LPGAT1: variants seen among roughly 807,000 people sequenced by gnomAD.
LPGAT1 encodes the protein lysophosphatidylglycerol acyltransferase 1, also known as acyl-CoA:lysophosphatidylglycerol acyltransferase 1.
LPGAT1 carries 11 observed loss-of-function variants against 47.5 expected under a neutral mutation model. The observed-to-expected ratio is 0.23, with a 90% CI of 0.15 to 0.38. The LOEUF (loss-of-function observed/expected upper bound fraction) is 0.38. LPGAT1 is among the 10% of genes least tolerant of loss of function. The probability of loss-of-function intolerance (pLI) is 1.00; values close to 1 mark genes in which losing one functional copy is unlikely to be tolerated. For synonymous variants in LPGAT1, 138 were observed against 144.2 expected (o/e 0.96, Z 0.31); for missense variants, 293 against 439.0 (o/e 0.67, Z 2.97).
intron 3 of LPGAT1, chr1:211,792,205 T>TCCA (rs980514621): frequency 1.3e-5 from 2 of 151,556 alleles, no homozygotes; most frequent in African/African-American, 4.8e-5. Context: ...TTTGGCCTGC[T>TCCA]CCATTTCCAC....
intron 4 of LPGAT1, among the ~76,000 whole-genome samples, chr1:211,784,407 C>T (rs1054192522): frequency 6.6e-6 from 1 of 151,002 alleles, no homozygotes; most frequent in African/African-American, 2.4e-5. Flanking sequence ...AGGAGGATCA[C>T]TTGTGCCCAC....
chr1:211,806,684 T>A (rs1017907113), intron 2 of LPGAT1, among the ~76,000 whole-genome samples: 1 of 152,242 alleles, frequency 6.6e-6, no homozygotes, highest in East Asian at 1.9e-4. Context: ...TAAAATTTTT[T>A]TAAAAAAGAA....
intron 2 of LPGAT1, among the ~76,000 whole-genome samples, chr1:211,805,047 A>C (rs1216240037): frequency 2.0e-5 from 3 of 152,172 alleles, no homozygotes; most frequent in African/African-American, 7.2e-5. Flanking sequence ...GATTGACAGA[A>C]TACTAAATAC....
intron 2 of LPGAT1, among the ~76,000 whole-genome samples, chr1:211,827,991 T>G (rs1660592340): frequency 6.6e-6 from 1 of 152,232 alleles, no homozygotes; most frequent in Non-Finnish European, 1.5e-5. Context: ...AAAAGCTGTA[T>G]ACTATCAGTC....
rs555338428 is a variant in LPGAT1, at chr1:211,796,836, A to G, written c.239-3646T>C. On this transcript the variant is annotated intron_variant, in intron 2 of 7. Coordinates refer to ENST00000366997, the MANE Select transcript of LPGAT1 (RefSeq NM_014873.3). ...TCACTTCTAAATACTTTCAGAAATT[A>G]TACTTTAAAGTATAATTATTAAGAG... is the stretch of plus-strand genomic sequence containing the variant. Among the ~76,000 whole-genome samples the G allele has an allele frequency of 5.8e-4, 89 of 152,322 alleles. 1 individual carries two copies. Among genetic ancestry groups the G allele is most frequent in the African/African-American group, 2.0e-3 (82 of 41,568 alleles).
At chr1:211,808,417 A>T (rs1481846453) in intron 2 of LPGAT1, among the ~76,000 whole-genome samples, 1 of 152,150 alleles carries the variant, frequency 6.6e-6, no homozygotes, top group African/African-American at 2.4e-5. Context: ...AAAAAAATTA[A>T]GAAAAGACTT....
chr1:211,778,988 C>T lies in LPGAT1; in HGVS notation c.784G>A (p.Ala262Thr). Residue 262 changes from alanine (A) to threonine (T), a missense_variant, in exon 6 of 8, where the codon GCT (alanine) becomes ACT (threonine). Ala to Thr is a moderately conservative substitution (Grantham distance 58, BLOSUM62 0). Transcript: ENST00000366997. ...CAGGTTTGAATATCTATAGGTTCAG[C>T]TTTGGGATAAGCTATCGTTGTATCT... ...IIDTTIAYPK[A>T]EPIDIQTWIL... 6.2e-7 allele frequency: 1 copy of T among 1,611,078 alleles called. No homozygotes were observed. The highest frequency in any genetic ancestry group is 8.5e-7 in the Non-Finnish European group (1 of 1,178,982).
intron 2 of LPGAT1, among the ~76,000 whole-genome samples, chr1:211,809,814 C>T (rs997172419): frequency 6.6e-6 from 1 of 152,116 alleles, no homozygotes; most frequent in African/African-American, 2.4e-5. Context: ...ATAAATTACC[C>T]AGTTTTGGGT....
chr1:211,778,901 T>C lies in LPGAT1; in HGVS notation c.854+17A>G, dbSNP rs1270144376. On this transcript the variant is annotated intron_variant, in intron 6 of 7. Transcript: ENST00000366997. ...GTATTGTTGGATATATACTGAGTAC[T>C]AATATAGAATTCTTACCTGTAATGT... 1 of 1,568,300 alleles carries C rather than the reference T, an allele frequency of 6.4e-7. No homozygotes were observed. The highest frequency in any genetic ancestry group is 2.0e-5 in the Admixed American group (1 of 49,360).
At chr1:211,750,095 A>G (rs748857812) in intron 7 of LPGAT1, 45 bp from the exon 8 acceptor site, 7 of 1,550,752 alleles carry the variant, frequency 4.5e-6, no homozygotes, top group Non-Finnish European at 6.2e-6. Flanking sequence ...CTGTAATGGT[A>G]GGTCTCCTGG....
chr1:211,759,273 G>T (rs1475294433), intron 6 of LPGAT1, among the ~76,000 whole-genome samples: 4 of 151,306 alleles, frequency 2.6e-5, no homozygotes, highest in Non-Finnish European at 4.4e-5. Context: ...TTTTGTTTTG[G>T]TTTTTTTAGA....
At chr1:211,800,702 C>T (rs914894225) in intron 2 of LPGAT1, among the ~76,000 whole-genome samples, 1 of 152,216 alleles carries the variant, frequency 6.6e-6, no homozygotes, top group African/African-American at 2.4e-5. Flanking sequence ...TAATTCCAAA[C>T]ATCCTGACTC....
At position 211,783,249 on chromosome 1, in the gene LPGAT1, C is replaced by T; in HGVS notation, c.707G>A (p.Gly236Glu). Residue 236 changes from glycine (G) to glutamate (E), a missense_variant, in exon 5 of 8, where the codon GGA becomes GAA. Gly to Glu is a moderately conservative substitution (Grantham distance 98). Coordinates refer to ENST00000366997, the MANE Select transcript of LPGAT1 (RefSeq NM_014873.3). ...CATACCTAATTCTTTAGCATCTCCT[C>T]CTGCTGGACTTCCATTTTTCTGTTG... is the stretch of plus-strand genomic sequence containing the variant. ...VAQQKNGSPA[G>E]GDAKELDSKS... is the part of the protein sequence containing the mutation. The T allele has an allele frequency of 6.2e-7, 1 of 1,612,318 alleles. No individual in the cohort carries two copies.
chr1:211,804,004 C>T (rs1659668281), intron 2 of LPGAT1, among the ~76,000 whole-genome samples: 1 of 152,166 alleles, frequency 6.6e-6, no homozygotes, highest in Admixed American at 6.5e-5. Flanking sequence ...GGTGATCTGC[C>T]TGCCTCGGCC....
In LPGAT1 at chr1:211,749,761, G is replaced by A. The variant is rs756448382; in HGVS notation, c.*138C>T. On this transcript the variant is annotated 3_prime_UTR_variant, in exon 8 of 8. Transcript: ENST00000366997. Reference sequence around the variant, plus strand: ...TAGTAGATTTTAAAATATCCCAAAGGGGGATAAATATTAATCCATCCATTG... The same window carrying A: ...TAGTAGATTTTAAAATATCCCAAAGAGGGATAAATATTAATCCATCCATTG... 4.8e-6 allele frequency: 4 copies of A among 829,476 alleles called. No homozygotes were observed. The highest frequency in any genetic ancestry group is 2.4e-5 in the Admixed American group (1 of 41,614). 51.4% of individuals were successfully genotyped at this position (829,476 alleles called of 1,614,324 possible).
intron 1 of LPGAT1, 83 bp from the exon 2 acceptor site, chr1:211,829,406 C>T (rs544348629): frequency 6.5e-7 from 1 of 1,545,066 alleles, no homozygotes; most frequent in African/African-American, 1.4e-5. Flanking sequence ...TCGCCCCCAG[C>T]ACAAAATAAA....
rs749950339 is a variant in LPGAT1 at position 211,787,605 on chromosome 1, T to C, written c.453+27A>G. The C allele has an allele frequency of 5.5e-6, 7 of 1,266,258 alleles. No homozygotes were observed. The South Asian group carries it at 9.0e-5, about 16-fold the overall frequency. The allele number at this position is 1,266,258 out of a possible 1,614,324, so 78.4% of individuals were successfully genotyped here. A position where few individuals can be genotyped will look rare whatever the true frequency, so the allele number is the denominator to read the frequency against. ...AGAATCAATTTGACCAGGCTATCAC[T>C]GCGGGGAAAAAGTGCTCATTACTTA... On this transcript the variant is annotated intron_variant, in intron 4 of 7. Transcript: ENST00000366997.
intron 6 of LPGAT1, among the ~76,000 whole-genome samples, chr1:211,760,161 T>C (rs1421205572): frequency 4.6e-5 from 7 of 152,216 alleles, no homozygotes; most frequent in Non-Finnish European, 7.3e-5. Flanking sequence ...GAAGTCTCTT[T>C]AAGAATAGAG....
intron 3 of LPGAT1, among the ~76,000 whole-genome samples, chr1:211,791,150 T>C (rs918123174): frequency 6.6e-5 from 10 of 152,230 alleles, no homozygotes; most frequent in African/African-American, 2.4e-4. Flanking sequence ...TCCCTCTGCT[T>C]TTCAGATAGA....
Sources: gnomAD v4.1 joint callset for allele counts (sites outside exome capture counted in the v4.1 genomes callset) on GRCh38, gnomAD v4.1.1 for gene constraint, MANE v1.5 for transcripts, NCBI Gene and HGNC (gene_info 2026-07-23, HGNC 2026-07-21) for gene names.